The following PPP1CB variants were observed in gnomAD, a reference collection of about 807,000 sequenced individuals.
The protein encoded by PPP1CB is protein phosphatase 1 catalytic subunit beta, also known as serine/threonine-protein phosphatase PP1-beta catalytic subunit.
A neutral mutation model predicts 43.7 loss-of-function variants in PPP1CB; 2 were observed. That is an observed-to-expected ratio of 0.05 (90% CI 0.02 to 0.14). The LOEUF (loss-of-function observed/expected upper bound fraction) is 0.14. Ranked by LOEUF, PPP1CB falls within the 10% of genes least tolerant of loss-of-function variation. The pLI is 1.00. For synonymous variants in PPP1CB, 136 were observed against 135.6 expected, an observed-to-expected ratio of 1.00 and a Z score of -0.02; for missense variants, 84 against 398.0, an observed-to-expected ratio of 0.21 and a Z score of 6.71.
At chr2:28,781,418 A>G (rs1667156110) in intron 3 of PPP1CB, among the ~76,000 whole-genome samples, 1 of 152,180 alleles carries the variant, frequency 6.6e-6, no homozygotes, top group South Asian at 2.1e-4. Context: ...AGTCACTGTT[A>G]TACAATCGAT....
At chr2:28,771,312 A>G (rs552304454) in intron 1 of PPP1CB, among the ~76,000 whole-genome samples, 2 of 152,084 alleles carry the variant, frequency 1.3e-5, no homozygotes, top group South Asian at 4.2e-4. Flanking sequence ...CGGCCTCCCA[A>G]AGTGCTGGGA....
intron 5 of PPP1CB, among the ~76,000 whole-genome samples, chr2:28,785,782 C>T (rs907236186): frequency 6.6e-6 from 1 of 152,052 alleles, no homozygotes; most frequent in African/African-American, 2.4e-5. Flanking sequence ...GCATTCTAGC[C>T]TGGGTGACAC....
At chr2:28,769,609 A>G (rs1438668048) in intron 1 of PPP1CB, among the ~76,000 whole-genome samples, 1 of 152,240 alleles carries the variant, frequency 6.6e-6, no homozygotes, top group Non-Finnish European at 1.5e-5. Context: ...GAACTGCAGA[A>G]AGAAATGAAC....
At chr2:28,752,795 CAA>C (rs1559037508) in intron 1 of PPP1CB, among the ~76,000 whole-genome samples, 3 of 152,142 alleles carry the variant, frequency 2.0e-5, no homozygotes, top group East Asian at 1.9e-4. Flanking sequence ...AATTGTAAGA[CAA>C]GATATTTGAT....
chr2:28,753,506 C>T (rs1021945839), intron 1 of PPP1CB, among the ~76,000 whole-genome samples: 6 of 152,196 alleles, frequency 3.9e-5, no homozygotes, highest in Admixed American at 1.3e-4. Flanking sequence ...CTCTTATTTA[C>T]CTTTTCCTTT....
chr2:28,786,726 G>C (rs1465174408), intron 5 of PPP1CB, among the ~76,000 whole-genome samples: 2 of 133,944 alleles, frequency 1.5e-5, no homozygotes, highest in African/African-American at 2.8e-5. Flanking sequence ...AGTGAGCCGA[G>C]ATCGTGCCAC....
At chr2:28,769,415 T>C (rs112974667) in intron 1 of PPP1CB, among the ~76,000 whole-genome samples, 33 of 152,358 alleles carry the variant, frequency 2.2e-4, no homozygotes, top group African/African-American at 7.9e-4. Flanking sequence ...TTTGTATTTT[T>C]AGTAGAGGCA....
At chr2:28,782,261 A>C (rs1381517716) in intron 4 of PPP1CB, among the ~76,000 whole-genome samples, 1 of 152,188 alleles carries the variant, frequency 6.6e-6, no homozygotes, top group Non-Finnish European at 1.5e-5. Context: ...TAGTATTAAC[A>C]ATAAAATAAT....
intron 2 of PPP1CB, chr2:28,778,564 G>A (rs1667086525): frequency 2.0e-6 from 1 of 511,592 alleles, no homozygotes; most frequent in Non-Finnish European, 3.7e-6. Context: ...TTAGACAGCT[G>A]GTTTCATCAG....
At chr2:28,757,506 C>G (rs1428450939) in intron 1 of PPP1CB, among the ~76,000 whole-genome samples, 1 of 152,120 alleles carries the variant, frequency 6.6e-6, no homozygotes, top group Non-Finnish European at 1.5e-5. Context: ...GACCCAGCAA[C>G]CTAAAGGTTA....
intron 3 of PPP1CB, among the ~76,000 whole-genome samples, chr2:28,781,301 C>T (rs545326819): frequency 3.3e-5 from 5 of 151,874 alleles, no homozygotes; most frequent in Admixed American, 6.6e-5. Flanking sequence ...GGTTAAATCC[C>T]GCTGATTTAA....
intron 1 of PPP1CB, among the ~76,000 whole-genome samples, chr2:28,771,109 A>G (rs59212357): frequency 0.11 from 13,778 of 127,664 alleles, 699 homozygotes; most frequent in East Asian, 0.2. Context: ...GCTGCAGTGC[A>G]GTGGCACGAT....
intron 1 of PPP1CB, among the ~76,000 whole-genome samples, chr2:28,759,875 T>G (rs1666600710): frequency 6.6e-6 from 1 of 152,152 alleles, no homozygotes. Flanking sequence ...TGCCTCGGCC[T>G]CCCAAAGTGT....
intron 1 of PPP1CB, among the ~76,000 whole-genome samples, chr2:28,763,121 A>G (rs1164108387): frequency 6.6e-6 from 1 of 152,216 alleles, no homozygotes; most frequent in Non-Finnish European, 1.5e-5. Flanking sequence ...CTTGGAACTA[A>G]AACAGTCACA....
intron 2 of PPP1CB, 102 bp from the exon 3 acceptor site, chr2:28,778,707 G>C: frequency 1.4e-6 from 1 of 715,582 alleles, no homozygotes; most frequent in Admixed American, 2.4e-5. Flanking sequence ...CATACTCAAG[G>C]GTAGGGGAGG....
At chr2:28,788,900 C>T in intron 6 of PPP1CB, 91 bp downstream of exon 6, 1 of 1,308,172 alleles carries the variant, frequency 7.6e-7, no homozygotes, top group Non-Finnish European at 1.0e-6. Context: ...TTCTGTCACC[C>T]AGGCTGGAGT....
At chr2:28,798,381 A>G (rs111506235) in intron 7 of PPP1CB, among the ~76,000 whole-genome samples, 63 of 152,232 alleles carry the variant, frequency 4.1e-4, no homozygotes, top group African/African-American at 1.4e-3. Flanking sequence ...AAACATGTTC[A>G]CACAAAAACT....
At chr2:28,780,259 T>C (rs1323673091) in intron 3 of PPP1CB, among the ~76,000 whole-genome samples, 1 of 152,032 alleles carries the variant, frequency 6.6e-6, no homozygotes, top group Non-Finnish European at 1.5e-5. Flanking sequence ...TGGCTAATTT[T>C]GTATATTTAG....
At chr2:28,780,084 CTTTTTTTTTTT>C (rs10559224) in intron 3 of PPP1CB, among the ~76,000 whole-genome samples, 3 of 131,814 alleles carry the variant, frequency 2.3e-5, no homozygotes, top group East Asian at 5.1e-4. Flanking sequence ...TCTTTTCTTT[CTTTTTTTTTTT>C]TTTTTTTTTT....
Sources: gnomAD v4.1 joint callset for allele counts (sites outside exome capture counted in the v4.1 genomes callset) on GRCh38, gnomAD v4.1.1 for gene constraint, MANE v1.5 for transcripts, NCBI Gene and HGNC (gene_info 2026-07-23, HGNC 2026-07-21) for gene names.